GNG7: variants seen among roughly 807,000 people sequenced by gnomAD.
GNG7 encodes the protein G protein subunit gamma 7.
Under a neutral mutation model 4.0 loss-of-function variants are expected in GNG7, and 1 was observed. The observed-to-expected ratio is 0.25, with a 90% CI of 0.09 to 1.18. GNG7 has a LOEUF of 1.18. Among genes scored for constraint, GNG7 ranks in the 50% most tolerant of loss-of-function variants. The pLI is 0.50. For synonymous variants in GNG7, 34 were observed against 36.9 expected, an observed-to-expected ratio of 0.92 and a Z score of 0.29; for missense variants, 86 against 91.9, an observed-to-expected ratio of 0.94 and a Z score of 0.26.
rs959945906 is a variant in GNG7 at position 2,633,293 on chromosome 19, C to T, written c.-78+12931G>A. On this transcript the variant is annotated intron_variant, in intron 2 of 4. Coordinates refer to ENST00000382159, the MANE Select transcript of GNG7 (RefSeq NM_052847.3). The surrounding 1 kb of genome is among the most constrained non-coding windows in gnomAD (Gnocchi z 5.9). ...AGATTGGCAGAGCCATCCTCTCTGG[C>T]CTCCACTCGGCTCCCCCATGTCCCC... Among the ~76,000 whole-genome samples, 4 of 152,190 alleles carry T rather than the reference C, an allele frequency of 2.6e-5. No homozygotes were observed. The highest frequency in any genetic ancestry group is 2.6e-4 in the Admixed American group (4 of 15,278).
chr19:2,699,772 C>T (rs1356400100), intron 1 of GNG7, among the ~76,000 whole-genome samples: 1 of 152,124 alleles, frequency 6.6e-6, no homozygotes. Context: ...CCAGAAGGCC[C>T]CACCCCAGAG....
chr19:2,670,748 C>T (rs950821926), intron 1 of GNG7, among the ~76,000 whole-genome samples: 9 of 148,578 alleles, frequency 6.1e-5, no homozygotes, highest in Admixed American at 3.3e-4. Flanking sequence ...GCCAGGAGCC[C>T]TCGCCCCGCC....
At chr19:2,521,308 T>C (rs1978307343) in intron 3 of GNG7, among the ~76,000 whole-genome samples, 1 of 151,236 alleles carries the variant, frequency 6.6e-6, no homozygotes, top group South Asian at 2.1e-4. Context: ...GCAAAGGCAA[T>C]AGGCCAGGCC....
intron 2 of GNG7, among the ~76,000 whole-genome samples, chr19:2,590,576 TTCATCCATCCATCCACCCACCCACCCAC>T (rs1980813809): frequency 7.5e-6 from 1 of 133,222 alleles, no homozygotes; most frequent in African/African-American, 2.8e-5. Flanking sequence ...CATTCACCCA[TTCATCCATCCATCCACCCACCCACCCAC>T]CCATCCATCC....
intron 3 of GNG7, among the ~76,000 whole-genome samples, chr19:2,552,678 C>T (rs1412876836): frequency 6.6e-6 from 1 of 151,562 alleles, no homozygotes; most frequent in African/African-American, 2.4e-5. Context: ...AGCCACCACA[C>T]CCAGCCCAGG....
At chr19:2,564,886 T>C (rs530243797) in intron 2 of GNG7, among the ~76,000 whole-genome samples, 8 of 26,664 alleles carry the variant, frequency 3.0e-4, no homozygotes, top group Admixed American at 9.7e-4. Context: ...ACATTGGTCA[T>C]TTAAAAAAAA....
intron 2 of GNG7, among the ~76,000 whole-genome samples, chr19:2,558,251 T>TTTTG (rs1555693733): frequency 9.5e-4 from 6 of 6,340 alleles, no homozygotes; most frequent in Non-Finnish European, 1.8e-3. Flanking sequence ...TTTGTTTTTG[T>TTTTG]TTTTTTTTTG....
chr19:2,553,992 A>AATATG (rs1979466912), intron 3 of GNG7, among the ~76,000 whole-genome samples: 3 of 146,724 alleles, frequency 2.0e-5, no homozygotes, highest in East Asian at 3.9e-4. Flanking sequence ...TGTAATATAT[A>AATATG]TTACACATAT....
At chr19:2,555,880 G>A (rs1025364697) in intron 2 of GNG7, among the ~76,000 whole-genome samples, 17 of 151,856 alleles carry the variant, frequency 1.1e-4, no homozygotes, top group African/African-American at 3.9e-4. Flanking sequence ...CCCCGTATCC[G>A]TCTCCAATGC....
chr19:2,579,588 G>A (rs1250409241), intron 2 of GNG7, among the ~76,000 whole-genome samples: 3 of 152,334 alleles, frequency 2.0e-5, no homozygotes, highest in East Asian at 1.9e-4. Context: ...GGAGGGCGAG[G>A]GGACGGCCGC....
rs937689978 is a variant in GNG7 at position 2,609,009 on chromosome 19, ATTCTCTCT to A, written c.-78+37207_-78+37214del. Among the ~76,000 whole-genome samples, 1 of 98,360 alleles carries A rather than the reference ATTCTCTCT, an allele frequency of 1.0e-5. No homozygotes were observed. Among genetic ancestry groups the A allele is most frequent in the African/African-American group, 3.1e-5 (1 of 32,552 alleles). 64.5% of individuals were successfully genotyped at this position (98,360 alleles called of 152,430 possible). On this transcript the variant is annotated intron_variant, in intron 2 of 4. Coordinates refer to ENST00000382159, the MANE Select transcript of GNG7 (RefSeq NM_052847.3). This position sits in a 1 kb window ranked among gnomAD's most constrained non-coding sequence, Gnocchi z 4.4. ...CATCATGCCTACCTAGTTCTTGTACATTCTCTCTCTCTCTCTCTCTCTCTTTTTTTGTT... is the reference window on the plus strand; with the variant it reads ...CATCATGCCTACCTAGTTCTTGTACACTCTCTCTCTCTCTCTTTTTTTGTT...
At chr19:2,550,012 G>T (rs748948478) in intron 3 of GNG7, among the ~76,000 whole-genome samples, 3 of 152,172 alleles carry the variant, frequency 2.0e-5, no homozygotes, top group African/African-American at 7.2e-5. Flanking sequence ...CAAATCCTGG[G>T]CTGCCCCAGG....
At chr19:2,696,326 G>GAAAGAAAGAAAGAAAGAAAGA (rs1410358252) in intron 1 of GNG7, among the ~76,000 whole-genome samples, 1 of 132,386 alleles carries the variant, frequency 7.6e-6, no homozygotes, top group Non-Finnish European at 1.6e-5. Context: ...AAGAAAGAAA[G>GAAAGAAAGAAAGAAAGAAAGA]AAAGAAAGAA....
chr19:2,645,592 C>G (rs968658394), intron 2 of GNG7, among the ~76,000 whole-genome samples: 2 of 152,064 alleles, frequency 1.3e-5, no homozygotes, highest in African/African-American at 4.8e-5. Flanking sequence ...AGTAAGTTCA[C>G]CAGGTTGCGG....
At chr19:2,576,572 G>T (rs928057134) in intron 2 of GNG7, among the ~76,000 whole-genome samples, 1 of 151,808 alleles carries the variant, frequency 6.6e-6, no homozygotes, top group Non-Finnish European at 1.5e-5. Context: ...TAAGAAACAG[G>T]GGTCTTGCTT....
At chr19:2,564,266 A>G (rs757618777) in intron 2 of GNG7, among the ~76,000 whole-genome samples, 17 of 152,100 alleles carry the variant, frequency 1.1e-4, no homozygotes, top group Non-Finnish European at 2.2e-4. Context: ...CCTAAATCCA[A>G]TGACTGGTGT....
chr19:2,645,265 G>A (rs1467753070), intron 2 of GNG7, among the ~76,000 whole-genome samples: 4 of 145,060 alleles, frequency 2.8e-5, no homozygotes, highest in African/African-American at 1.0e-4. Flanking sequence ...TTTAGAAGGA[G>A]TTTCGCTCTG....
At chr19:2,671,095 G>A (rs913847512) in intron 1 of GNG7, among the ~76,000 whole-genome samples, 4 of 150,888 alleles carry the variant, frequency 2.7e-5, no homozygotes, top group African/African-American at 9.8e-5. Context: ...GGAATTCAAG[G>A]ATGGATCGTT....
chr19:2,690,201 G>T (rs1913103020), intron 1 of GNG7, among the ~76,000 whole-genome samples: 1 of 151,890 alleles, frequency 6.6e-6, no homozygotes, highest in Non-Finnish European at 1.5e-5. Flanking sequence ...GGCCAACATG[G>T]TGAAACCCCA....
Sources: gnomAD v4.1 joint callset for allele counts (sites outside exome capture counted in the v4.1 genomes callset) on GRCh38, gnomAD v4.1.1 for gene constraint, Gnocchi (gnomAD v3.1) non-coding constraint, MANE v1.5 for transcripts, NCBI Gene and HGNC (gene_info 2026-07-23, HGNC 2026-07-21) for gene names.